The following LMBR1 variants were observed in gnomAD, a reference collection of about 807,000 sequenced individuals.
LMBR1 encodes the protein limb region 1 protein homolog.
Under a neutral mutation model 73.9 loss-of-function variants are expected in LMBR1, and 52 were observed. The ratio of observed to expected loss-of-function variants is 0.70; its 90% confidence interval spans 0.56 to 0.89. The LOEUF (loss-of-function observed/expected upper bound fraction) is 0.89. LMBR1 is among the 40% of genes least tolerant of loss of function. LMBR1 has a pLI of 0.00. For missense variants in LMBR1, 539 were observed against 579.8 expected, an observed-to-expected ratio of 0.93 and a Z score of 0.72; for synonymous variants, 215 against 209.4, an observed-to-expected ratio of 1.03 and a Z score of -0.23.
chr7:156,827,719 AG>A (rs1436929526), intron 3 of LMBR1, among the ~76,000 whole-genome samples: 1 of 152,180 alleles, frequency 6.6e-6, no homozygotes, highest in Non-Finnish European at 1.5e-5. Flanking sequence ...TTTTAAAAGC[AG>A]GAAAAAAAAA....
At chr7:156,806,353 C>G (rs1052850677) in intron 4 of LMBR1, among the ~76,000 whole-genome samples, 34 of 152,126 alleles carry the variant, frequency 2.2e-4, no homozygotes, top group African/African-American at 8.0e-4. Flanking sequence ...AATTTACTTA[C>G]TGGTTCCAAT....
chr7:156,776,882 G>A (rs182473323), intron 5 of LMBR1, among the ~76,000 whole-genome samples: 3 of 152,016 alleles, frequency 2.0e-5, no homozygotes, highest in African/African-American at 7.2e-5. Context: ...AATGCTACTT[G>A]GCAATCTTTA....
chr7:156,757,715 C>T (rs781743399), intron 8 of LMBR1, among the ~76,000 whole-genome samples: 4 of 152,210 alleles, frequency 2.6e-5, no homozygotes, highest in Non-Finnish European at 5.9e-5. Context: ...TATACATCTC[C>T]TTTCAGACTT....
intron 1 of LMBR1, among the ~76,000 whole-genome samples, chr7:156,844,248 C>T (rs556290290): frequency 2.0e-5 from 3 of 151,504 alleles, no homozygotes; most frequent in South Asian, 2.1e-4. Context: ...CGCTTGAACC[C>T]GGGAGAAGCA....
At chr7:156,773,861 T>C (rs1585701919) in intron 5 of LMBR1, among the ~76,000 whole-genome samples, 1 of 151,488 alleles carries the variant, frequency 6.6e-6, no homozygotes, top group Non-Finnish European at 1.5e-5. Context: ...TGGGACCTAA[T>C]TAAACTAAAC....
intron 4 of LMBR1, among the ~76,000 whole-genome samples, chr7:156,814,556 GATCT>G (rs1383956326): frequency 2.0e-5 from 3 of 152,186 alleles, no homozygotes; most frequent in African/African-American, 7.2e-5. Flanking sequence ...GAATATATTA[GATCT>G]ATTTAGTGTA....
At chr7:156,708,046 A>C (rs1811334780) in intron 15 of LMBR1, among the ~76,000 whole-genome samples, 2 of 152,172 alleles carry the variant, frequency 1.3e-5, no homozygotes, top group South Asian at 2.1e-4. Context: ...AAAAAAAAAA[A>C]AAACTACTAT....
intron 4 of LMBR1, among the ~76,000 whole-genome samples, chr7:156,801,131 T>C (rs916821613): frequency 3.9e-5 from 6 of 152,240 alleles, no homozygotes; most frequent in African/African-American, 1.4e-4. Context: ...AAAGAACTTC[T>C]ACTGTGAGTA....
intron 15 of LMBR1, among the ~76,000 whole-genome samples, chr7:156,689,009 C>T (rs1585194384): frequency 1.3e-5 from 2 of 152,136 alleles, no homozygotes; most frequent in East Asian, 3.9e-4. Context: ...GCAGGAAATA[C>T]AGTAGGATGA....
intron 15 of LMBR1, among the ~76,000 whole-genome samples, chr7:156,688,483 T>G (rs748896980): frequency 1.3e-5 from 2 of 152,046 alleles, no homozygotes; most frequent in Non-Finnish European, 2.9e-5. Flanking sequence ...ATGTTAAAAA[T>G]CAAGCACTCG....
intron 9 of LMBR1, among the ~76,000 whole-genome samples, chr7:156,739,202 G>A (rs1301934826): frequency 6.6e-6 from 1 of 152,130 alleles, no homozygotes; most frequent in Non-Finnish European, 1.5e-5. Flanking sequence ...AACTCCCCAT[G>A]GGCTGGCAGT....
At chr7:156,737,485 T>C (rs1195028355) in intron 9 of LMBR1, among the ~76,000 whole-genome samples, 2 of 152,150 alleles carry the variant, frequency 1.3e-5, no homozygotes, top group African/African-American at 2.4e-5. Context: ...ATCTGGGAAA[T>C]CTTCATTTTG....
intron 4 of LMBR1, among the ~76,000 whole-genome samples, chr7:156,806,967 T>C (rs1406717457): frequency 1.3e-5 from 2 of 152,156 alleles, no homozygotes; most frequent in African/African-American, 4.8e-5. Flanking sequence ...TGCTGAGAGA[T>C]TTTACCAGAA....
chr7:156,847,666 A>C (rs1586202423), intron 1 of LMBR1, among the ~76,000 whole-genome samples: 1 of 121,212 alleles, frequency 8.3e-6, no homozygotes, highest in South Asian at 2.7e-4. Context: ...GCAAATAAGC[A>C]CACAAAAAGA....
chr7:156,887,356 G>T (rs778795083), intron 1 of LMBR1, among the ~76,000 whole-genome samples: 2 of 151,704 alleles, frequency 1.3e-5, no homozygotes, highest in African/African-American at 4.8e-5. Context: ...CCAGCTACTC[G>T]GGAGGCTGAG....
chr7:156,868,216 C>T (rs946448957), intron 1 of LMBR1, among the ~76,000 whole-genome samples: 4 of 140,208 alleles, frequency 2.9e-5, no homozygotes, highest in African/African-American at 5.4e-5. Flanking sequence ...TTTTTTGAGA[C>T]GACGTCTCAC....
At position 156,830,387 on chromosome 7, in the gene LMBR1, T is replaced by C. The variant is rs1048644274; in HGVS notation, c.179+3366A>G. On this transcript the variant is annotated intron_variant, in intron 3 of 16. Coordinates refer to ENST00000353442, the MANE Select transcript of LMBR1 (RefSeq NM_022458.4). ...TAATCATAAGCAAAACCTGCCACTT[T>C]ACATCTTAAAGTTTAACAGGTTGAT... 4.6e-5 allele frequency among the ~76,000 whole-genome samples: 7 copies of C among 152,352 alleles called. No homozygotes were observed. In the East Asian group the frequency reaches 1.3e-3, roughly 29 times the overall value.
chr7:156,816,163 T>C (rs764234740), intron 4 of LMBR1, among the ~76,000 whole-genome samples: 1 of 152,140 alleles, frequency 6.6e-6, no homozygotes, highest in Non-Finnish European at 1.5e-5. Flanking sequence ...AGATAGTTTA[T>C]CAAAAGCTAA....
intron 7 of LMBR1, among the ~76,000 whole-genome samples, chr7:156,762,838 T>TGAGTTTGA (rs1823324276): frequency 9.0e-6 from 1 of 111,476 alleles, no homozygotes; most frequent in Non-Finnish European, 1.9e-5. Flanking sequence ...TGAAAGTGTG[T>TGAGTTTGA]GAGTGTGAGT....
Sources: allele counts gnomAD v4.1 joint callset (sites outside exome capture counted in the v4.1 genomes callset), GRCh38; gene constraint gnomAD v4.1.1; transcripts MANE v1.5; gene names NCBI Gene and HGNC (gene_info 2026-07-23, HGNC 2026-07-21).